DLG2: variants seen among roughly 807,000 people sequenced by gnomAD.
DLG2 encodes discs large MAGUK scaffold protein 2, also known as disks large homolog 2.
DLG2 carries 45 observed loss-of-function variants against 132.5 expected under a neutral mutation model. That is an observed-to-expected ratio of 0.34 (90% CI 0.27 to 0.44). DLG2 has a LOEUF of 0.44. Ranked by LOEUF, DLG2 falls within the 20% of genes least tolerant of loss-of-function variation. DLG2 has a pLI of 1.00. For synonymous variants in DLG2, 424 were observed against 419.6 expected, an observed-to-expected ratio of 1.01 and a Z score of -0.13; for missense variants, 1,045 against 1,196.9, an observed-to-expected ratio of 0.87 and a Z score of 1.87.
chr11:84,908,767 G>A (rs565841593), intron 6 of DLG2, among the ~76,000 whole-genome samples: 36 of 151,334 alleles, frequency 2.4e-4, no homozygotes, highest in Non-Finnish European at 4.7e-4. Context: ...GGATGCTAAT[G>A]TCTATCATAT....
chr11:85,154,517 A>G, intron 5 of DLG2, 39 bp downstream of exon 5: 1 of 998,776 alleles, frequency 1.0e-6, no homozygotes, highest in Non-Finnish European at 1.5e-6. Flanking sequence ...AGTCTTACCC[A>G]TGAAGCCTAG....
In DLG2 at chr11:84,012,652, A is replaced by G. The variant is rs551763500; in HGVS notation, c.920-32010T>C. Among the ~76,000 whole-genome samples the G allele has an allele frequency of 3.3e-5, 5 of 152,258 alleles. No individual in the cohort carries two copies. The East Asian group carries it at 9.7e-4, about 29-fold the overall frequency. ...AGTCTGTGGTTAGGTTGAAGGGGAG[A>G]AAAGTACATTTAAGATTACTCCCCG... On this transcript the variant is annotated intron_variant, in intron 11 of 27. Coordinates refer to ENST00000376104, the MANE Select transcript of DLG2 (RefSeq NM_001142699.3).
At chr11:83,656,667 C>T (rs1056771065) in intron 18 of DLG2, among the ~76,000 whole-genome samples, 1 of 152,226 alleles carries the variant, frequency 6.6e-6, no homozygotes, top group African/African-American at 2.4e-5. Context: ...TTTCCTCTCT[C>T]TCCCTCTATT....
chr11:83,505,246 A>G (rs1481204568), intron 21 of DLG2, among the ~76,000 whole-genome samples: 1 of 152,160 alleles, frequency 6.6e-6, no homozygotes, highest in Non-Finnish European at 1.5e-5. Flanking sequence ...ACCCTGAGGA[A>G]TGGTGCCATA....
intron 8 of DLG2, among the ~76,000 whole-genome samples, chr11:84,192,759 A>G (rs1227251456): frequency 6.6e-6 from 1 of 152,064 alleles, no homozygotes; most frequent in African/African-American, 2.4e-5. Context: ...AAATAAAAGA[A>G]ATTGGGAAGT....
chr11:83,879,997 T>C (rs1345151614), intron 15 of DLG2, among the ~76,000 whole-genome samples: 1 of 152,156 alleles, frequency 6.6e-6, no homozygotes, highest in African/African-American at 2.4e-5. Flanking sequence ...ATTTTGAGAC[T>C]CATGAAGAGC....
At chr11:85,272,083 G>A (rs1284034367) in intron 4 of DLG2, among the ~76,000 whole-genome samples, 6 of 152,166 alleles carry the variant, frequency 3.9e-5, no homozygotes, top group African/African-American at 1.4e-4. Context: ...TGTTGTGGGA[G>A]GGACCTGGTG....
At chr11:84,538,118 C>T (rs1305101025) in intron 6 of DLG2, among the ~76,000 whole-genome samples, 4 of 152,186 alleles carry the variant, frequency 2.6e-5, no homozygotes, top group Admixed American at 6.5e-5. Context: ...TACCATACCT[C>T]GTGATAAACT....
At chr11:85,054,473 A>AAAACTTT in intron 6 of DLG2, among the ~76,000 whole-genome samples, 2 of 152,320 alleles carry the variant, frequency 1.3e-5, no homozygotes, top group Admixed American at 1.3e-4. Flanking sequence ...AATTTCTCAA[A>AAAACTTT]AAACTTTAAA....
chr11:83,571,209 T>C (rs867644039), intron 19 of DLG2, among the ~76,000 whole-genome samples: 2 of 152,080 alleles, frequency 1.3e-5, no homozygotes, highest in African/African-American at 4.8e-5. Context: ...AAATATGGGT[T>C]TTTTTCTTTT....
chr11:84,992,732 T>C (rs1310057028), intron 6 of DLG2, among the ~76,000 whole-genome samples: 1 of 152,254 alleles, frequency 6.6e-6, no homozygotes, highest in African/African-American at 2.4e-5. Context: ...GCCCACTTTT[T>C]GATGGGGTTG....
At chr11:84,355,457 C>T (rs954642645) in intron 7 of DLG2, among the ~76,000 whole-genome samples, 1 of 152,006 alleles carries the variant, frequency 6.6e-6, no homozygotes, top group Non-Finnish European at 1.5e-5. Flanking sequence ...AAGTGCCTTT[C>T]CCCTTCTGCC....
intron 19 of DLG2, among the ~76,000 whole-genome samples, chr11:83,594,455 A>G (rs1482786705): frequency 6.6e-6 from 1 of 152,224 alleles, no homozygotes; most frequent in Non-Finnish European, 1.5e-5. Context: ...AGCACTGTAT[A>G]ATTTACACAG....
intron 6 of DLG2, among the ~76,000 whole-genome samples, chr11:84,796,103 G>C (rs2074564533): frequency 6.6e-6 from 1 of 152,184 alleles, no homozygotes; most frequent in Admixed American, 6.5e-5. Flanking sequence ...AGTCAAAGAG[G>C]TTTCCAGCTG....
intron 3 of DLG2, among the ~76,000 whole-genome samples, chr11:85,516,169 C>T (rs1244671525): frequency 1.3e-5 from 2 of 151,978 alleles, no homozygotes; most frequent in Admixed American, 6.6e-5. Flanking sequence ...TATACAAACA[C>T]ATGAAAACTC....
chr11:84,273,141 T>A, intron 7 of DLG2: 2 of 1,503,578 alleles, frequency 1.3e-6, no homozygotes, highest in Admixed American at 2.7e-5. Context: ...TAAAAGAAAA[T>A]TTTCCTTACC....
chr11:83,962,859 C>A (rs2089205348), intron 14 of DLG2, 26 bp downstream of exon 14: 3 of 1,610,246 alleles, frequency 1.9e-6, no homozygotes, highest in Non-Finnish European at 1.7e-6. Context: ...AAGAGCAAAT[C>A]CAATTAACTA....
intron 11 of DLG2, among the ~76,000 whole-genome samples, chr11:84,020,377 ATGT>A (rs976458926): frequency 6.6e-6 from 1 of 152,198 alleles, no homozygotes; most frequent in Non-Finnish European, 1.5e-5. Context: ...GTATACATTC[ATGT>A]TGTCACTACA....
At chr11:85,026,654 G>A (rs936637868) in intron 6 of DLG2, among the ~76,000 whole-genome samples, 6 of 152,064 alleles carry the variant, frequency 3.9e-5, no homozygotes, top group South Asian at 2.1e-4. Flanking sequence ...TGGCTAACAC[G>A]GTGAAACCCC....
Sources: gnomAD v4.1 joint callset for allele counts (sites outside exome capture counted in the v4.1 genomes callset) on GRCh38, gnomAD v4.1.1 for gene constraint, MANE v1.5 for transcripts, NCBI Gene and HGNC (gene_info 2026-07-23, HGNC 2026-07-21) for gene names.